PPP2R5A: variants seen among roughly 807,000 people sequenced by gnomAD.
PPP2R5A encodes the protein serine/threonine-protein phosphatase 2A 56 kDa regulatory subunit alpha isoform.
A neutral mutation model predicts 64.2 loss-of-function variants in PPP2R5A; 25 were observed. The observed-to-expected ratio is 0.39, with a 90% CI of 0.28 to 0.54. PPP2R5A has a LOEUF of 0.54. Ranked by LOEUF, PPP2R5A falls within the 20% of genes least tolerant of loss-of-function variation. PPP2R5A has a pLI of 0.67. For synonymous variants in PPP2R5A, 198 were observed against 201.2 expected, an observed-to-expected ratio of 0.98 and a Z score of 0.13; for missense variants, 425 against 576.3, an observed-to-expected ratio of 0.74 and a Z score of 2.69.
intron 1 of PPP2R5A, chr1:212,309,571 T>C: frequency 2.8e-6 from 2 of 702,530 alleles, no homozygotes; most frequent in Admixed American, 2.2e-5. Flanking sequence ...TCTTTGAACA[T>C]ATATAATGAC....
At chr1:212,298,872 C>A (rs1474105518) in intron 1 of PPP2R5A, among the ~76,000 whole-genome samples, 4 of 33,760 alleles carry the variant, frequency 1.2e-4, no homozygotes, top group Non-Finnish European at 1.6e-4. Context: ...GCTGGCCAGG[C>A]GGGGGGCTGA....
intron 1 of PPP2R5A, among the ~76,000 whole-genome samples, chr1:212,327,919 A>G (rs1375169330): frequency 2.6e-5 from 4 of 152,148 alleles, no homozygotes; most frequent in East Asian, 3.9e-4. Flanking sequence ...GGTTCAAGCA[A>G]TTCTCTTACC....
In PPP2R5A at chr1:212,360,774, A is replaced by C; in HGVS notation, c.*4A>C. ...CAGCAATACAAGTGCCGAATAAAAA[A>C]AAAGCCTCCCACCTCTGCCGGATAG... On this transcript the variant is annotated 3_prime_UTR_variant, in exon 13 of 13. Transcript: ENST00000261461. 6.6e-7 allele frequency: 1 copy of C among 1,514,714 alleles called. No homozygotes were observed. Among genetic ancestry groups the C allele is most frequent in the Non-Finnish European group, 8.8e-7 (1 of 1,138,928 alleles). The allele number at this position is 1,514,714 out of a possible 1,614,324, so 93.8% of individuals were successfully genotyped here.
intron 1 of PPP2R5A, among the ~76,000 whole-genome samples, chr1:212,290,581 T>C (rs1364389754): frequency 6.6e-6 from 1 of 152,248 alleles, no homozygotes; most frequent in Non-Finnish European, 1.5e-5. Flanking sequence ...TGTTCACTGC[T>C]AGTCCTCACA....
At chr1:212,292,030 A>G (rs775916725) in intron 1 of PPP2R5A, among the ~76,000 whole-genome samples, 3 of 152,218 alleles carry the variant, frequency 2.0e-5, no homozygotes, top group Non-Finnish European at 4.4e-5. Flanking sequence ...CTACCATTGT[A>G]TATGTTAAAT....
At chr1:212,330,559 AG>A (rs1231321968) in intron 2 of PPP2R5A, among the ~76,000 whole-genome samples, 3 of 151,188 alleles carry the variant, frequency 2.0e-5, no homozygotes, top group Non-Finnish European at 2.9e-5. Flanking sequence ...AAAAAAAAAA[AG>A]TAAAAAAATC....
chr1:212,325,653 A>G (rs11119914), intron 1 of PPP2R5A, among the ~76,000 whole-genome samples: 17,689 of 151,888 alleles, frequency 0.12, 2,618 homozygotes, highest in African/African-American at 0.35. Context: ...AATTTATATT[A>G]ATTATAAAGA....
intron 1 of PPP2R5A, among the ~76,000 whole-genome samples, chr1:212,312,816 T>A (rs976285381): frequency 3.9e-5 from 6 of 152,296 alleles, no homozygotes; most frequent in Non-Finnish European, 8.8e-5. Context: ...TAGATTTTTT[T>A]AAAGTTGTAT....
intron 1 of PPP2R5A, among the ~76,000 whole-genome samples, chr1:212,306,364 G>GT (rs1208645284): frequency 1.3e-5 from 2 of 150,078 alleles, no homozygotes; most frequent in African/African-American, 2.5e-5. Flanking sequence ...ATGGAGGGGG[G>GT]GTAACTACGA....
At chr1:212,323,905 C>G (rs1659360207) in intron 1 of PPP2R5A, among the ~76,000 whole-genome samples, 1 of 152,054 alleles carries the variant, frequency 6.6e-6, no homozygotes, top group South Asian at 2.1e-4. Flanking sequence ...AACCCCGTCT[C>G]TACTAAAAAT....
intron 1 of PPP2R5A, among the ~76,000 whole-genome samples, chr1:212,296,256 A>G (rs1294412865): frequency 6.6e-6 from 1 of 152,036 alleles, no homozygotes; most frequent in Non-Finnish European, 1.5e-5. Context: ...GGGAAAATCC[A>G]GAGTTGTATT....
intron 1 of PPP2R5A, among the ~76,000 whole-genome samples, chr1:212,287,585 C>T (rs918646941): frequency 1.3e-5 from 2 of 152,274 alleles, no homozygotes; most frequent in East Asian, 3.9e-4. Context: ...GGCTTTTGAA[C>T]AGAGATTTTG....
chr1:212,348,317 TCATGG>T lies in PPP2R5A; in HGVS notation c.765-71_765-67del, dbSNP rs1203269324. 6.5e-6 allele frequency: 6 copies of T among 919,074 alleles called. No homozygotes were observed. In the African/African-American group the frequency reaches 9.8e-5, roughly 15 times the overall value. 56.9% of individuals were successfully genotyped at this position (919,074 alleles called of 1,614,324 possible). ...AAGCATAGCACTGTTCCTTATGTAC[TCATGG>T]ATATGACAGCTTTTAGAAACAAAGT... On this transcript the variant is annotated intron_variant, in intron 6 of 12. Transcript: ENST00000261461.
At chr1:212,288,295 C>T (rs1658541685) in intron 1 of PPP2R5A, among the ~76,000 whole-genome samples, 1 of 152,116 alleles carries the variant, frequency 6.6e-6, no homozygotes, top group South Asian at 2.1e-4. Flanking sequence ...GGATTACAGG[C>T]GTGAGCCACC....
intron 8 of PPP2R5A, among the ~76,000 whole-genome samples, chr1:212,354,919 C>T (rs1197779434): frequency 2.0e-5 from 3 of 152,174 alleles, no homozygotes; most frequent in Non-Finnish European, 4.4e-5. Flanking sequence ...GAGCAAAAGG[C>T]TACACCATAC....
chr1:212,328,556 T>G (rs1283860180), intron 1 of PPP2R5A, among the ~76,000 whole-genome samples: 3 of 152,218 alleles, frequency 2.0e-5, no homozygotes, highest in African/African-American at 7.2e-5. Flanking sequence ...GTTTGAACTT[T>G]ATTATTTAAT....
intron 1 of PPP2R5A, among the ~76,000 whole-genome samples, chr1:212,326,242 GT>G (rs35314006): frequency 0.013 from 1,840 of 142,998 alleles, 32 homozygotes; most frequent in African/African-American, 0.042. Context: ...CAAATTCAAT[GT>G]TTTTTTTTTT....
intron 1 of PPP2R5A, among the ~76,000 whole-genome samples, chr1:212,311,362 C>T (rs868694234): frequency 1.3e-4 from 20 of 151,516 alleles, no homozygotes; most frequent in African/African-American, 4.6e-4. Flanking sequence ...CAGCTGCTCC[C>T]GGAGGCTGAG....
intron 8 of PPP2R5A, 52 bp from the exon 9 acceptor site, chr1:212,356,574 G>T: frequency 6.5e-7 from 1 of 1,528,000 alleles, no homozygotes; most frequent in Non-Finnish European, 9.0e-7. Flanking sequence ...AAATACGCTG[G>T]GATTAACTAG....
Sources: gnomAD v4.1 joint callset for allele counts (sites outside exome capture counted in the v4.1 genomes callset) on GRCh38, gnomAD v4.1.1 for gene constraint, MANE v1.5 for transcripts, NCBI Gene and HGNC (gene_info 2026-07-23, HGNC 2026-07-21) for gene names.